The following IPO7 variants were observed in gnomAD, a reference collection of about 807,000 sequenced individuals.
IPO7 encodes the protein importin 7.
Under a neutral mutation model 136.4 loss-of-function variants are expected in IPO7, and 13 were observed. That is an observed-to-expected ratio of 0.10 (90% CI 0.06 to 0.15). IPO7 has a LOEUF of 0.15. Ranked by LOEUF, IPO7 falls within the 10% of genes least tolerant of loss-of-function variation. The pLI is 1.00. For synonymous variants in IPO7, 403 were observed against 404.4 expected (o/e 1.00, Z 0.04); for missense variants, 857 against 1,240.6 (o/e 0.69, Z 4.65).
chr11:9,424,436 C>T (rs1010933787), intron 10 of IPO7, among the ~76,000 whole-genome samples: 15 of 152,130 alleles, frequency 9.9e-5, no homozygotes, highest in African/African-American at 3.4e-4. Context: ...AGGAGGAATT[C>T]ATGGATTAAC....
intron 1 of IPO7, among the ~76,000 whole-genome samples, chr11:9,397,181 G>A (rs904347182): frequency 1.3e-5 from 2 of 150,210 alleles, no homozygotes; most frequent in Admixed American, 6.7e-5. Flanking sequence ...GTGGAGTGGT[G>A]TGATCATAGC....
At chr11:9,405,219 G>C (rs1175109331) in intron 2 of IPO7, among the ~76,000 whole-genome samples, 1 of 151,966 alleles carries the variant, frequency 6.6e-6, no homozygotes, top group African/African-American at 2.4e-5. Flanking sequence ...CTGTCGCCCA[G>C]ACTGGAGTGC....
At chr11:9,406,422 T>G (rs912867165) in intron 2 of IPO7, among the ~76,000 whole-genome samples, 1 of 152,152 alleles carries the variant, frequency 6.6e-6, no homozygotes, top group African/African-American at 2.4e-5. Context: ...AGTTAAGTGT[T>G]TGACCTTTAG....
intron 6 of IPO7, among the ~76,000 whole-genome samples, chr11:9,419,209 T>C (rs1439195038): frequency 1.3e-5 from 2 of 152,008 alleles, no homozygotes; most frequent in Non-Finnish European, 2.9e-5. Flanking sequence ...TGTATGAGAG[T>C]GTTCACTTGC....
intron 8 of IPO7, among the ~76,000 whole-genome samples, chr11:9,421,203 C>T (rs1201776794): frequency 2.0e-5 from 3 of 151,320 alleles, no homozygotes; most frequent in South Asian, 2.1e-4. Context: ...TCAGGTGATC[C>T]GCCTGCCTTG....
chr11:9,439,159 A>G (rs1034295812), intron 22 of IPO7, among the ~76,000 whole-genome samples: 8 of 152,088 alleles, frequency 5.3e-5, no homozygotes, highest in African/African-American at 1.9e-4. Context: ...CCTGTTGCCC[A>G]GGCTGGAGTG....
At chr11:9,423,552 T>TTTGTACACATA (rs1564999770) in intron 9 of IPO7, among the ~76,000 whole-genome samples, 2 of 152,214 alleles carry the variant, frequency 1.3e-5, no homozygotes, top group East Asian at 3.8e-4. Flanking sequence ...TTTAGAATAC[T>TTTGTACACATA]TAATTGCGAC....
chr11:9,430,845 C>G (rs765518371), intron 15 of IPO7, 30 bp from the exon 16 acceptor site: 1 of 1,602,626 alleles, frequency 6.2e-7, no homozygotes. Context: ...GCTTCAGTGA[C>G]AAACTTGAGT....
At position 9,430,965 on chromosome 11, in the gene IPO7, A is replaced by G. The variant is rs1382281858; in HGVS notation, c.1843A>G (p.Ile615Val). The change falls in exon 16 of 25, where the codon ATT (isoleucine) becomes GTT (valine). Residue 615 changes from isoleucine to valine, a missense_variant. Transcript: ENST00000379719. ...TACTGCTATGGGAATTCTGAATACAATTGATACACTTCTTAGTGTAGTTGA... is the reference window on the plus strand; with the variant it reads ...TACTGCTATGGGAATTCTGAATACAGTTGATACACTTCTTAGTGTAGTTGA... ...AVTAMGILNT[I>V]DTLLSVVEDH... The G allele has an allele frequency of 6.2e-7, 1 of 1,611,196 alleles. No homozygotes were observed. The highest frequency in any genetic ancestry group is 8.5e-7 in the Non-Finnish European group (1 of 1,177,388).
chr11:9,392,420 G>T (rs1308415576), intron 1 of IPO7: 1 of 220,894 alleles, frequency 4.5e-6, no homozygotes, highest in Non-Finnish European at 9.3e-6. Context: ...CGCCCACCTT[G>T]GTCTCCCTAA....
chr11:9,404,705 A>G (rs1403044298), intron 2 of IPO7, among the ~76,000 whole-genome samples: 4 of 150,632 alleles, frequency 2.7e-5, no homozygotes, highest in Non-Finnish European at 3.0e-5. Context: ...AGCTGGGACC[A>G]CAGGCGCCCG....
intron 1 of IPO7, among the ~76,000 whole-genome samples, chr11:9,397,361 T>TATATATATATA (rs377148636): frequency 2.4e-5 from 1 of 42,280 alleles, no homozygotes; most frequent in Non-Finnish European, 4.0e-5. Flanking sequence ...TATATATATA[T>TATATATATATA]ATATTAGTCG....
intron 4 of IPO7, 99 bp from the exon 5 acceptor site, chr11:9,414,156 A>G: frequency 1.2e-6 from 1 of 840,146 alleles, no homozygotes. Flanking sequence ...TTGGTTAAGA[A>G]GTATTTGATT....
chr11:9,422,963 T>A, intron 8 of IPO7, 43 bp from the exon 9 acceptor site: 2 of 1,352,498 alleles, frequency 1.5e-6, no homozygotes, highest in Non-Finnish European at 2.0e-6. Context: ...TGGTTGAAAT[T>A]TCTATTTGAA....
intron 6 of IPO7, among the ~76,000 whole-genome samples, chr11:9,419,545 T>TAA (rs1178586532): frequency 0.022 from 2,018 of 91,566 alleles, 53 homozygotes; most frequent in African/African-American, 0.05. Context: ...AGACTCTGTC[T>TAA]AAAAAAAAAA....
chr11:9,425,403 T>C, intron 12 of IPO7, 141 bp downstream of exon 12: 1 of 631,630 alleles, frequency 1.6e-6, no homozygotes, highest in Admixed American at 2.7e-5. Flanking sequence ...GCCCAGGAGT[T>C]TGAGAACAGC....
intron 12 of IPO7, among the ~76,000 whole-genome samples, chr11:9,426,638 G>A (rs747387143): frequency 2.0e-5 from 3 of 152,112 alleles, no homozygotes; most frequent in African/African-American, 2.4e-5. Flanking sequence ...CCTAGTGAAC[G>A]TGAAGCATTA....
chr11:9,424,210 A>G (rs1026918791), intron 10 of IPO7, among the ~76,000 whole-genome samples: 2 of 152,196 alleles, frequency 1.3e-5, no homozygotes, highest in Non-Finnish European at 2.9e-5. Flanking sequence ...AAACACATCT[A>G]GGAAGCTGGT....
intron 14 of IPO7, 67 bp downstream of exon 14, chr11:9,429,263 T>A: frequency 7.5e-7 from 1 of 1,332,334 alleles, no homozygotes; most frequent in Non-Finnish European, 1.1e-6. Flanking sequence ...ACCTGTAATC[T>A]TAGCACTTCG....
Sources: gnomAD v4.1 joint callset for allele counts (sites outside exome capture counted in the v4.1 genomes callset) on GRCh38, gnomAD v4.1.1 for gene constraint, MANE v1.5 for transcripts, NCBI Gene and HGNC (gene_info 2026-07-23, HGNC 2026-07-21) for gene names.